Variants in SAMD12 observed in about 807,000 individuals in gnomAD.
SAMD12 encodes sterile alpha motif domain containing 12, also known as sterile alpha motif domain-containing protein 12.
SAMD12 carries 9 observed loss-of-function variants against 15.0 expected under a neutral mutation model. That is an observed-to-expected ratio of 0.60 (90% CI 0.36 to 1.05). The LOEUF (loss-of-function observed/expected upper bound fraction) is 1.05, where lower values mean the gene tolerates loss of function less well. SAMD12 is among the 50% of genes least tolerant of loss of function. The pLI is 0.01. For missense variants in SAMD12, 230 were observed against 234.2 expected, an observed-to-expected ratio of 0.98 and a Z score of 0.12; for synonymous variants, 86 against 90.1, an observed-to-expected ratio of 0.96 and a Z score of 0.25.
At chr8:118,300,213 T>A (rs1814943408) in intron 4 of SAMD12, among the ~76,000 whole-genome samples, 1 of 152,182 alleles carries the variant, frequency 6.6e-6, no homozygotes, top group Non-Finnish European at 1.5e-5. Flanking sequence ...TATACTATTG[T>A]TAACTACAGT....
chr8:118,478,969 T>C (rs191880638), intron 2 of SAMD12, among the ~76,000 whole-genome samples: 11 of 152,288 alleles, frequency 7.2e-5, no homozygotes, highest in African/African-American at 2.2e-4. Context: ...TCAAGACAAA[T>C]GGATTTGGTA....
the SAMD12 span, among the ~76,000 whole-genome samples, chr8:118,141,628 G>C: frequency 1.3e-5 from 2 of 152,186 alleles, no homozygotes; most frequent in Admixed American, 6.5e-5. Flanking sequence ...GGAGAAATGG[G>C]GTAGGCCAAA....
intron 3 of SAMD12, among the ~76,000 whole-genome samples, chr8:118,428,766 T>C (rs1307651982): frequency 2.0e-5 from 3 of 152,200 alleles, no homozygotes; most frequent in African/African-American, 4.8e-5. Context: ...AGTATATTTA[T>C]GGAATTTCTA....
At chr8:118,390,335 C>T (rs1027613852) in intron 3 of SAMD12, among the ~76,000 whole-genome samples, 2 of 152,166 alleles carry the variant, frequency 1.3e-5, no homozygotes, top group African/African-American at 4.8e-5. Context: ...CTTCCTTCTT[C>T]CATGTCCCTC....
At chr8:118,133,008 A>G in the SAMD12 span, among the ~76,000 whole-genome samples, 8 of 106,812 alleles carry the variant, frequency 7.5e-5, 1 homozygote, top group African/African-American at 2.8e-4. Flanking sequence ...ATATATATAT[A>G]TATATATATA....
intron 4 of SAMD12, among the ~76,000 whole-genome samples, chr8:118,271,268 C>T (rs1813349691): frequency 6.6e-6 from 1 of 152,060 alleles, no homozygotes; most frequent in Non-Finnish European, 1.5e-5. Context: ...AAGTGCCGAG[C>T]AAAAGCCTCT....
the SAMD12 span, among the ~76,000 whole-genome samples, chr8:118,151,786 C>T: frequency 5.6e-4 from 84 of 150,156 alleles, no homozygotes; most frequent in Non-Finnish European, 1.1e-3. Context: ...GCTGAGATCA[C>T]GCCACTGCAC....
chr8:118,341,585 C>T (rs1485155632), intron 4 of SAMD12, among the ~76,000 whole-genome samples: 4 of 152,086 alleles, frequency 2.6e-5, no homozygotes, highest in Non-Finnish European at 5.9e-5. Context: ...AGGATGCCAG[C>T]GTGGTCAGTT....
At chr8:118,483,312 A>G (rs1824182310) in intron 2 of SAMD12, among the ~76,000 whole-genome samples, 1 of 152,254 alleles carries the variant, frequency 6.6e-6, no homozygotes, top group African/African-American at 2.4e-5. Context: ...ATTTTGCATT[A>G]ACATGTACTT....
chr8:118,154,265 C>T, the SAMD12 span, among the ~76,000 whole-genome samples: 1 of 152,296 alleles, frequency 6.6e-6, no homozygotes, highest in Middle Eastern at 3.4e-3. Context: ...TTCACCCCAT[C>T]TGTCCTCTCA....
downstream of SAMD12, among the ~76,000 whole-genome samples, chr8:118,184,625 A>T (rs141213255): frequency 3.3e-5 from 5 of 152,222 alleles, no homozygotes; most frequent in East Asian, 9.6e-4. Flanking sequence ...CCTCTGGAGT[A>T]GCTGGGATTA....
intron 4 of SAMD12, among the ~76,000 whole-genome samples, chr8:118,230,149 T>C (rs949264706): frequency 7.2e-5 from 11 of 152,116 alleles, no homozygotes; most frequent in African/African-American, 2.7e-4. Flanking sequence ...AGCCAACGTT[T>C]AATGAGGGCT....
rs1303494802 is a variant in SAMD12, at chr8:118,580,700, T to C, written c.192+15A>G. The C allele has an allele frequency of 1.9e-6, 3 of 1,593,668 alleles. No homozygotes were observed. The highest frequency in any genetic ancestry group is 2.7e-5 in the African/African-American group (2 of 74,110). On this transcript the variant is annotated intron_variant, in intron 2 of 3. Coordinates refer to ENST00000314727, the MANE Select transcript of SAMD12 (RefSeq NM_207506.3). ...CAGCTTTCAAATCTCCGTAATTAAC[T>C]GGAATATTACGCACCTTAGCCGTCT...
At chr8:118,452,447 T>C (rs1326703483) in intron 2 of SAMD12, among the ~76,000 whole-genome samples, 3 of 152,232 alleles carry the variant, frequency 2.0e-5, no homozygotes, top group Non-Finnish European at 4.4e-5. Context: ...TTGTATTTAC[T>C]CTTCAAATAC....
chr8:118,147,442 C>A, the SAMD12 span, among the ~76,000 whole-genome samples: 1 of 150,048 alleles, frequency 6.7e-6, no homozygotes, highest in Non-Finnish European at 1.5e-5. Flanking sequence ...CTCACTGCAA[C>A]CTGCGCCTCC....
downstream of SAMD12, among the ~76,000 whole-genome samples, chr8:118,377,591 C>A (rs929159683): frequency 2.6e-5 from 4 of 152,178 alleles, no homozygotes; most frequent in African/African-American, 9.6e-5. Flanking sequence ...AAGGACTGAA[C>A]TGGGCATTAT....
chr8:118,169,909 A>G, the SAMD12 span, among the ~76,000 whole-genome samples: 1 of 152,178 alleles, frequency 6.6e-6, no homozygotes, highest in Non-Finnish European at 1.5e-5. Context: ...CTTATTTTAT[A>G]TAAACACACA....
At chr8:118,396,577 G>A (rs978840907) in intron 3 of SAMD12, among the ~76,000 whole-genome samples, 3 of 152,264 alleles carry the variant, frequency 2.0e-5, no homozygotes, top group Middle Eastern at 3.4e-3. Context: ...ATGAGAAAGG[G>A]AGAATACTAT....
chr8:118,255,539 G>A (rs1326438342), intron 4 of SAMD12, among the ~76,000 whole-genome samples: 5 of 119,596 alleles, frequency 4.2e-5, no homozygotes, highest in Non-Finnish European at 8.0e-5. Context: ...AGAGTGTGAT[G>A]TTCCCCTTCC....
Sources: gnomAD v4.1 joint callset for allele counts (sites outside exome capture counted in the v4.1 genomes callset) on GRCh38, gnomAD v4.1.1 for gene constraint, MANE v1.5 for transcripts, NCBI Gene and HGNC (gene_info 2026-07-23, HGNC 2026-07-21) for gene names.